Variants in ERBB4 observed in about 807,000 individuals in gnomAD.
ERBB4 encodes erb-b2 receptor tyrosine kinase 4, also known as receptor tyrosine-protein kinase erbB-4.
A neutral mutation model predicts 158.0 loss-of-function variants in ERBB4; 42 were observed. The ratio of observed to expected loss-of-function variants is 0.27; its 90% CI spans 0.21 to 0.34. ERBB4 has a LOEUF of 0.34. ERBB4 is among the 10% of genes least tolerant of loss of function. The pLI is 1.00. For synonymous variants in ERBB4, 583 were observed against 558.7 expected (o/e 1.04, Z -0.61); for missense variants, 1,333 against 1,624.1 (o/e 0.82, Z 3.08).
intron 4 of ERBB4, among the ~76,000 whole-genome samples, chr2:211,750,989 T>C (rs1331177467): frequency 1.3e-5 from 2 of 152,192 alleles, no homozygotes; most frequent in Non-Finnish European, 2.9e-5. Flanking sequence ...AAGCAAATGA[T>C]TATAGTTAAT....
At chr2:212,376,268 G>A (rs1043977278) in intron 1 of ERBB4, among the ~76,000 whole-genome samples, 1 of 151,984 alleles carries the variant, frequency 6.6e-6, no homozygotes, top group East Asian at 1.9e-4. Flanking sequence ...TGACCCAGAA[G>A]ACAAAGCACA....
intron 1 of ERBB4, among the ~76,000 whole-genome samples, chr2:212,455,029 G>A (rs1027487671): frequency 7.9e-5 from 12 of 152,110 alleles, no homozygotes; most frequent in Admixed American, 3.9e-4. Flanking sequence ...TTAGCATGAC[G>A]AATTTGATCC....
chr2:211,902,693 T>C (rs978164632), intron 3 of ERBB4, among the ~76,000 whole-genome samples: 1 of 151,826 alleles, frequency 6.6e-6, no homozygotes, highest in South Asian at 2.1e-4. Flanking sequence ...TGAGTAATTT[T>C]CCTTCTATGT....
chr2:211,847,953 G>T (rs1450568405), intron 3 of ERBB4, among the ~76,000 whole-genome samples: 3 of 152,116 alleles, frequency 2.0e-5, no homozygotes, highest in African/African-American at 7.2e-5. Context: ...AAACTAAGAA[G>T]TAGAAAAGTT....
intron 1 of ERBB4, among the ~76,000 whole-genome samples, chr2:212,535,977 T>A (rs776417284): frequency 1.1e-4 from 17 of 152,186 alleles, no homozygotes; most frequent in Non-Finnish European, 2.1e-4. Flanking sequence ...TCCAAGCGTG[T>A]CTAATAATGC....
chr2:212,195,707 T>C (rs187487067), intron 1 of ERBB4, among the ~76,000 whole-genome samples: 3 of 152,190 alleles, frequency 2.0e-5, no homozygotes. Flanking sequence ...AAAACATGGC[T>C]TACCATATCC....
At chr2:211,669,356 T>C (rs928793930) in intron 14 of ERBB4, among the ~76,000 whole-genome samples, 2 of 152,106 alleles carry the variant, frequency 1.3e-5, no homozygotes, top group African/African-American at 4.8e-5. Context: ...ACAACCTTTA[T>C]TAACCTAAAT....
intron 3 of ERBB4, among the ~76,000 whole-genome samples, chr2:211,846,560 C>T (rs2077594152): frequency 6.6e-6 from 1 of 152,042 alleles, no homozygotes; most frequent in South Asian, 2.1e-4. Context: ...AAGTTCAAAC[C>T]AGTCTCTTCC....
intron 25 of ERBB4, among the ~76,000 whole-genome samples, chr2:211,417,424 A>C (rs2125396247): frequency 6.6e-6 from 1 of 152,338 alleles, no homozygotes; most frequent in Non-Finnish European, 1.5e-5. Flanking sequence ...CACTGAGCCA[A>C]GATCGTGCTA....
intron 21 of ERBB4, among the ~76,000 whole-genome samples, chr2:211,429,215 A>C (rs538550703): frequency 3.9e-5 from 6 of 152,148 alleles, no homozygotes; most frequent in African/African-American, 7.2e-5. Flanking sequence ...GAGATTTGTT[A>C]TACTTTCAGT....
chr2:212,426,420 A>G (rs2091914435), intron 1 of ERBB4: 1 of 430,730 alleles, frequency 2.3e-6, no homozygotes, highest in African/African-American at 2.2e-5. Context: ...CTAAATGTAT[A>G]TTTTCAAGTG....
intron 1 of ERBB4, among the ~76,000 whole-genome samples, chr2:212,386,250 C>T (rs1322411105): frequency 6.6e-6 from 1 of 151,988 alleles, no homozygotes; most frequent in Non-Finnish European, 1.5e-5. Flanking sequence ...TGGCCCACAC[C>T]TCTTTCCTAA....
At chr2:211,484,533 A>T (rs1337989190) in intron 20 of ERBB4, among the ~76,000 whole-genome samples, 2 of 152,224 alleles carry the variant, frequency 1.3e-5, no homozygotes, top group East Asian at 1.9e-4. Context: ...CGTGCTAACA[A>T]TAACAAAAAT....
At position 212,323,906 on chromosome 2, in the gene ERBB4, G is replaced by T. The variant is rs546938960; in HGVS notation, c.83-199003C>A. Among the ~76,000 whole-genome samples, 65 of 150,528 alleles carry T rather than the reference G, an allele frequency of 4.3e-4. 2 individuals are homozygous for T. The highest frequency in any genetic ancestry group is 6.9e-4 in the Non-Finnish European group (46 of 67,110). On this transcript the variant is annotated intron_variant, in intron 1 of 27. Coordinates refer to ENST00000342788, the MANE Select transcript of ERBB4 (RefSeq NM_005235.3). ...CTGACGTGTTGAAGAACTACATCAT[G>T]GTAGAAGTCACTGGTTGCCCAGTCC...
chr2:212,307,316 A>T (rs1013234751), intron 1 of ERBB4, among the ~76,000 whole-genome samples: 1 of 151,146 alleles, frequency 6.6e-6, no homozygotes, highest in South Asian at 2.1e-4. Context: ...CCTCTGACTA[A>T]ATACAAATAT....
chr2:212,262,862 T>C (rs2084996173), intron 1 of ERBB4, among the ~76,000 whole-genome samples: 1 of 152,198 alleles, frequency 6.6e-6, no homozygotes, highest in Non-Finnish European at 1.5e-5. Flanking sequence ...TATATATTCT[T>C]ATCAAACAAG....
chr2:211,788,128 C>T lies in ERBB4; in HGVS notation c.453G>A (p.Gln151=), dbSNP rs768943270. ...TGTCTGCATAACAAAGGAATTTGTT[C>T]TGGTCTACATAGACTCCACCATTTA... ...EILNGGVYVD[Q]NKFLCYADTI... The change falls in exon 4 of 28, where the codon CAG becomes CAA. Residue 151 remains glutamine, a synonymous_variant. Transcript: ENST00000342788. 28 of 1,612,058 alleles carry T rather than the reference C, an allele frequency of 1.7e-5. No individual in the cohort carries two copies. Among genetic ancestry groups the T allele is most frequent in the Non-Finnish European group, 2.3e-5 (27 of 1,178,420 alleles).
chr2:211,600,538 T>C (rs552930693), intron 19 of ERBB4, among the ~76,000 whole-genome samples: 4 of 152,184 alleles, frequency 2.6e-5, no homozygotes, highest in Non-Finnish European at 5.9e-5. Context: ...AGTTGAAAGG[T>C]AGGACTGAAA....
rs1259317642 is a variant in ERBB4, at chr2:211,824,018, T to C, written c.422-35859A>G. Among the ~76,000 whole-genome samples, 3 of 152,036 alleles carry C rather than the reference T, an allele frequency of 2.0e-5. No homozygotes were observed. The South Asian group carries it at 6.2e-4, about 32-fold the overall frequency. On this transcript the variant is annotated intron_variant, in intron 3 of 27. Transcript: ENST00000342788. ...AGACCAGCTTTGTGCAGAATGGTGA[T>C]TTAGGCTCCCCGACTCTGTCCAGGC...
Sources: gnomAD v4.1 joint callset for allele counts (sites outside exome capture counted in the v4.1 genomes callset) on GRCh38, gnomAD v4.1.1 for gene constraint, MANE v1.5 for transcripts, NCBI Gene and HGNC (gene_info 2026-07-23, HGNC 2026-07-21) for gene names.